Variants in ADAM33 observed in about 807,000 individuals in gnomAD.
ADAM33 encodes disintegrin and metalloproteinase domain-containing protein 33.
A neutral mutation model predicts 106.2 loss-of-function variants in ADAM33; 103 were observed. The observed-to-expected ratio is 0.97, with a 90% CI of 0.83 to 1.14. The LOEUF (loss-of-function observed/expected upper bound fraction) is 1.14, where lower values mean the gene tolerates loss of function less well. ADAM33 is among the 50% of genes most tolerant of loss of function. The probability of loss-of-function intolerance (pLI) is 0.00; values close to 1 mark genes in which losing one functional copy is unlikely to be tolerated. For synonymous variants in ADAM33, 483 were observed against 453.0 expected (o/e 1.07, Z -0.84); for missense variants, 1,120 against 1,096.6 (o/e 1.02, Z -0.30).
Position 3,681,889 on chromosome 20 carries a change from A to G in ADAM33, c.97+19T>C. 1 of 1,594,108 alleles carries G rather than the reference A, an allele frequency of 6.3e-7. No homozygotes were observed. On this transcript the variant is annotated intron_variant, in intron 1 of 21. Transcript: ENST00000356518. ...GCGCCTAGCCTGCCCCTCAGGGCGC[A>G]CCCCGCCCGCGTCCTCACCTTGAAG... is the stretch of plus-strand genomic sequence containing the variant.
chr20:3,676,817 T>C (rs2088005413), intron 3 of ADAM33, among the ~76,000 whole-genome samples: 1 of 152,188 alleles, frequency 6.6e-6, no homozygotes, highest in Admixed American at 6.5e-5. Context: ...TGGTGCTCAC[T>C]CATCGCCAGC....
At position 3,669,642 on chromosome 20, in the gene ADAM33, G is replaced by T. The variant is rs972867195; in HGVS notation, c.2241-5C>A. On this transcript the variant is annotated splice_polypyrimidine_tract_variant and splice_region_variant and intron_variant, in intron 19 of 21. Coordinates refer to ENST00000356518, the MANE Select transcript of ADAM33 (RefSeq NM_025220.5). Reference sequence around the variant, plus strand: ...CTGTGTGGGCCATCTTTGGGGCTGAGCAACGTGATAAGAGTCCAGGAGGTT... The same window carrying T: ...CTGTGTGGGCCATCTTTGGGGCTGATCAACGTGATAAGAGTCCAGGAGGTT... 2 of 1,598,630 alleles carry T rather than the reference G, an allele frequency of 1.3e-6. No individual in the cohort carries two copies. Among genetic ancestry groups the T allele is most frequent in the African/African-American group, 1.3e-5 (1 of 74,826 alleles).
chr20:3,676,948 T>C, intron 3 of ADAM33, 119 bp downstream of exon 3: 1 of 1,077,878 alleles, frequency 9.3e-7, no homozygotes, highest in Non-Finnish European at 1.3e-6. Flanking sequence ...TGACTCTCCC[T>C]GTCATCTGCA....
At chr20:3,681,759 A>C in intron 1 of ADAM33, 149 bp downstream of exon 1, 2 of 1,260,158 alleles carry the variant, frequency 1.6e-6, no homozygotes, top group Non-Finnish European at 2.1e-6. Context: ...GACCCCCCCA[A>C]AGAGTCCCCA....
In ADAM33 at chr20:3,678,296, A is replaced by C. The variant is rs545157304; in HGVS notation, c.178-1153T>G. 3.3e-5 allele frequency among the ~76,000 whole-genome samples: 5 copies of C among 151,858 alleles called. No homozygotes were observed. The South Asian group carries it at 1.0e-3, about 32-fold the overall frequency. ...CTTTTGGAGGGGACACCTAGCCTCT[A>C]CTCTTTCTTCTGTACCATCTTGGCA... On this transcript the variant is annotated intron_variant, in intron 2 of 21. Transcript: ENST00000356518.
At chr20:3,672,648 G>A (rs781192314) in intron 12 of ADAM33, 22 bp from the exon 13 acceptor site, 97 of 1,612,458 alleles carry the variant, frequency 6.0e-5, no homozygotes, top group Non-Finnish European at 8.2e-5. Flanking sequence ...AAGGCAAGAA[G>A]GGCCCAGGTG....
rs1044776605 is a variant in ADAM33, at chr20:3,673,622, C to T, written c.942G>A (p.Ala314=). The T allele has an allele frequency of 7.4e-7, 1 of 1,356,982 alleles. No homozygotes were observed. The allele number at this position is 1,356,982 out of a possible 1,614,324, so 84.1% of individuals were successfully genotyped here. Residue 314 remains alanine (A), a synonymous_variant, in exon 10 of 22, where the codon GCG becomes GCA. Coordinates refer to ENST00000356518, the MANE Select transcript of ADAM33 (RefSeq NM_025220.5). ...RAFQGATVGL[A]PVEGMCRAES... ...CGGCGCGGCACATGCCCTCGACGGG[C>T]GCCAGGCCCACTGTGGCGCCCTGGA...
Position 3,674,924 on chromosome 20 carries a change from G to A in ADAM33, c.334-75C>T, listed in dbSNP as rs762263447. ...GGGGCAAGAGGGAGGGTGTGGTAGG[G>A]GCTGGCTCCAACCGCCCCTTAGGAA... On this transcript the variant is annotated intron_variant, in intron 4 of 21. Coordinates refer to ENST00000356518, the MANE Select transcript of ADAM33 (RefSeq NM_025220.5). 3.1e-6 allele frequency: 5 copies of A among 1,608,120 alleles called. No homozygotes were observed. The African/African-American group carries it at 5.3e-5, about 17-fold the overall frequency.
chr20:3,672,060 A>G (rs1343118680), intron 14 of ADAM33, 74 bp downstream of exon 14: 35 of 1,571,242 alleles, frequency 2.2e-5, no homozygotes, highest in Non-Finnish European at 2.7e-5. Flanking sequence ...TCCCCTGCCC[A>G]TCTTCCCCAC....
In ADAM33 at chr20:3,675,148, C is replaced by T. The variant is rs565692330; in HGVS notation, c.255-43G>A. 3.4e-6 allele frequency: 5 copies of T among 1,481,854 alleles called. No individual in the cohort carries two copies. The highest frequency in any genetic ancestry group is 2.3e-5 in the East Asian group (1 of 43,810). The allele number at this position is 1,481,854 out of a possible 1,614,324, so 91.8% of individuals were successfully genotyped here. On this transcript the variant is annotated intron_variant, in intron 3 of 21. Coordinates refer to ENST00000356518, the MANE Select transcript of ADAM33 (RefSeq NM_025220.5). This position sits in a 1 kb window ranked among gnomAD's most constrained non-coding sequence, Gnocchi z 4.1. ...AGGGAACACTGAATTCAGCTTCCTCCTGCCTCCTCCAGGATGTCTCCCAGC... is the reference window on the plus strand; with the variant it reads ...AGGGAACACTGAATTCAGCTTCCTCTTGCCTCCTCCAGGATGTCTCCCAGC...
chr20:3,672,753 C>T lies in ADAM33; in HGVS notation c.1279G>A (p.Ala427Thr), dbSNP rs771163936. ...GGGCCGCAGTCACACTCCTCGCCCG[C>T]TTCCACGAAGCCGTTCCCGCAGAGC... is the stretch of plus-strand genomic sequence containing the variant. ...PALCGNGFVEAGEECDCGPGQ... is the reference protein window; with the variant it reads ...PALCGNGFVETGEECDCGPGQ... The change falls in exon 12 of 22, where the codon GCG becomes ACG. Residue 427 changes from alanine to threonine, a missense_variant. Ala to Thr is a moderately conservative substitution (Grantham distance 58). Transcript: ENST00000356518. 5 of 1,568,682 alleles carry T rather than the reference C, an allele frequency of 3.2e-6. No individual in the cohort carries two copies. The highest frequency in any genetic ancestry group is 3.5e-6 in the Non-Finnish European group (4 of 1,156,978).
chr20:3,680,832 G>T (rs575979243), intron 1 of ADAM33, among the ~76,000 whole-genome samples: 1 of 152,156 alleles, frequency 6.6e-6, no homozygotes, highest in African/African-American at 2.4e-5. Context: ...TGCTGGCCAC[G>T]GGCACCCTGA....
Position 3,672,550 on chromosome 20 carries a change from C to T in ADAM33, c.1388G>A (p.Cys463Tyr), listed in dbSNP as rs1378161696. The T allele has an allele frequency of 6.2e-7, 1 of 1,613,410 alleles. No individual in the cohort carries two copies. The highest frequency in any genetic ancestry group is 8.5e-7 in the Non-Finnish European group (1 of 1,179,808). The change falls in exon 13 of 22, where the codon TGC becomes TAC. Residue 463 changes from cysteine (C) to tyrosine (Y), a missense_variant. Physicochemically the swap from Cys to Tyr is radical, Grantham distance 194. Coordinates refer to ENST00000356518, the MANE Select transcript of ADAM33 (RefSeq NM_025220.5). Reference sequence around the variant, plus strand: ...CCATGCCCTCACCAGGCAGCGCACGCAGCAGTCCCCGTGGGCGCACTGGGC... The same window carrying T: ...CCATGCCCTCACCAGGCAGCGCACGTAGCAGTCCCCGTGGGCGCACTGGGC... ...PGAQCAHGDCCVRCLLKPAGA... is the reference protein window; with the variant it reads ...PGAQCAHGDCYVRCLLKPAGA...
rs1479214696 is a variant in ADAM33, at chr20:3,669,648, T to C, written c.2241-11A>G. 6.3e-7 allele frequency: 1 copy of C among 1,596,146 alleles called. No individual in the cohort carries two copies. Among genetic ancestry groups the C allele is most frequent in the Non-Finnish European group, 8.5e-7 (1 of 1,172,252 alleles). ...GGGCCATCTTTGGGGCTGAGCAACGTGATAAGAGTCCAGGAGGTTGGCACA... is the reference window on the plus strand; with the variant it reads ...GGGCCATCTTTGGGGCTGAGCAACGCGATAAGAGTCCAGGAGGTTGGCACA... On this transcript the variant is annotated splice_polypyrimidine_tract_variant and intron_variant, in intron 19 of 21. Transcript: ENST00000356518.
intron 2 of ADAM33, among the ~76,000 whole-genome samples, chr20:3,678,761 G>A (rs2088189698): frequency 6.6e-6 from 1 of 152,238 alleles, no homozygotes; most frequent in South Asian, 2.1e-4. Context: ...GTGTGACCAT[G>A]GACAATTTCC....
Position 3,668,411 on chromosome 20 carries a change from T to TGGG in ADAM33, c.*549_*551dup, listed in dbSNP as rs948808194. ...AGAACCTCAGGTGTAGCACTGGGAT[T>TGGG]GGGGGTGGGGGCTCAGGAACCACCT... is the stretch of plus-strand genomic sequence containing the variant. On this transcript the variant is annotated 3_prime_UTR_variant, in exon 22 of 22. Transcript: ENST00000356518. The TGGG allele has an allele frequency of 6.4e-6, 1 of 157,224 alleles. No homozygotes were observed. Among genetic ancestry groups the TGGG allele is most frequent in the African/African-American group, 2.4e-5 (1 of 41,436 alleles). 9.7% of individuals were successfully genotyped at this position (157,224 alleles called of 1,614,324 possible). A position where few individuals can be genotyped will look rare whatever the true frequency, so the allele number is the denominator to read the frequency against.
Position 3,669,283 on chromosome 20 carries a change from C to A in ADAM33, c.2404+16G>T. ...GCGATGAGAGGGGGAGGCTTTGAAT[C>A]CAGGTCCCTGCCTACCTTGGGGGTC... is the stretch of plus-strand genomic sequence containing the variant. On this transcript the variant is annotated intron_variant, in intron 21 of 21. Coordinates refer to ENST00000356518, the MANE Select transcript of ADAM33 (RefSeq NM_025220.5). 1 of 1,573,622 alleles carries A rather than the reference C, an allele frequency of 6.4e-7. No individual in the cohort carries two copies. The highest frequency in any genetic ancestry group is 8.6e-7 in the Non-Finnish European group (1 of 1,166,502).
chr20:3,678,469 G>A (rs2088167555), intron 2 of ADAM33, among the ~76,000 whole-genome samples: 1 of 152,330 alleles, frequency 6.6e-6, no homozygotes, highest in Middle Eastern at 3.4e-3. Flanking sequence ...TGGGGATGGG[G>A]AGGGCAATCT....
Position 3,672,825 on chromosome 20 carries a change from C to T in ADAM33, c.1207G>A (p.Ala403Thr). 2 of 1,574,544 alleles carry T rather than the reference C, an allele frequency of 1.3e-6. No homozygotes were observed. The highest frequency in any genetic ancestry group is 8.6e-7 in the Non-Finnish European group (1 of 1,166,176). ...GGGTCCGGGGCATTGGAGAGGCAAG[C>T]GCCGCCCCCCTTGCGGAAGAAGGCG... ...LRAFFRKGGG[A>T]CLSNAPDPGL... Residue 403 changes from alanine (A) to threonine (T), a missense_variant, in exon 12 of 22, where the codon GCT becomes ACT. Ala to Thr is a moderately conservative substitution (Grantham distance 58). Transcript: ENST00000356518.
Sources: allele counts gnomAD v4.1 joint callset (sites outside exome capture counted in the v4.1 genomes callset), GRCh38; gene constraint gnomAD v4.1.1; non-coding constraint Gnocchi (gnomAD v3.1); transcripts MANE v1.5; gene names NCBI Gene and HGNC (gene_info 2026-07-23, HGNC 2026-07-21).